The following MAN1A2 variants were observed in gnomAD, a reference collection of about 807,000 sequenced individuals.
The protein encoded by MAN1A2 is mannosyl-oligosaccharide 1,2-alpha-mannosidase IB.
MAN1A2 carries 26 observed loss-of-function variants against 75.7 expected under a neutral mutation model. The observed-to-expected ratio is 0.34, with a 90% confidence interval of 0.25 to 0.48. The LOEUF is 0.48. Ranked by LOEUF, MAN1A2 falls within the 20% of genes least tolerant of loss-of-function variation. The probability of loss-of-function intolerance (pLI) is 0.99; values close to 1 mark genes in which losing one functional copy is unlikely to be tolerated. For synonymous variants in MAN1A2, 247 were observed against 264.6 expected (o/e 0.93, Z 0.65); for missense variants, 562 against 775.5 (o/e 0.72, Z 3.27).
chr1:117,502,247 A>G (rs1056461089), intron 11 of MAN1A2, among the ~76,000 whole-genome samples: 1 of 151,882 alleles, frequency 6.6e-6, no homozygotes, highest in Non-Finnish European at 1.5e-5. Flanking sequence ...AGCACATAGT[A>G]AATACCTTAT....
chr1:117,381,815 A>G (rs977157204), intron 1 of MAN1A2, among the ~76,000 whole-genome samples: 146 of 152,174 alleles, frequency 9.6e-4, no homozygotes, highest in Middle Eastern at 3.4e-3. Context: ...GTGTAAAAGT[A>G]TTCCTATTTC....
intron 6 of MAN1A2, among the ~76,000 whole-genome samples, chr1:117,450,994 G>T (rs1277180574): frequency 6.6e-6 from 1 of 152,214 alleles, no homozygotes; most frequent in African/African-American, 2.4e-5. Context: ...TGAGAAGAGG[G>T]CAACTGTCCT....
intron 12 of MAN1A2, among the ~76,000 whole-genome samples, chr1:117,505,132 T>TAAATA (rs1200583474): frequency 2.0e-5 from 3 of 151,520 alleles, no homozygotes; most frequent in Non-Finnish European, 4.4e-5. Context: ...ATATATAAAG[T>TAAATA]TTCTTCTCTT....
chr1:117,449,964 G>T (rs1649353353), intron 6 of MAN1A2, among the ~76,000 whole-genome samples: 1 of 152,196 alleles, frequency 6.6e-6, no homozygotes, highest in African/African-American at 2.4e-5. Context: ...AAACTTAAAG[G>T]TGATGGGTGA....
rs1652004564 is a variant in MAN1A2, at chr1:117,525,961, T to C, written c.*3004T>C. On this transcript the variant is annotated 3_prime_UTR_variant, in exon 13 of 13. Coordinates refer to ENST00000356554, the MANE Select transcript of MAN1A2 (RefSeq NM_006699.5). The stretch of plus-strand genomic sequence containing the variant: ...GGTATCGAAGGGAAATGCATTCTTT[T>C]TATGGAGTATTGACCCTGATCCTCT... The C allele has an allele frequency of 6.6e-6, 1 of 151,694 alleles. No individual in the cohort carries two copies. Among genetic ancestry groups the C allele is most frequent in the South Asian group, 2.1e-4 (1 of 4,824 alleles). The allele number at this position is 151,694 out of a possible 1,614,324, so 9.4% of individuals were successfully genotyped here.
intron 5 of MAN1A2, among the ~76,000 whole-genome samples, chr1:117,432,303 A>C (rs1648696418): frequency 6.6e-6 from 1 of 152,138 alleles, no homozygotes; most frequent in African/African-American, 2.4e-5. Context: ...AAATTTAATA[A>C]TGTAGACAAA....
At chr1:117,448,912 T>C (rs1396505777) in intron 6 of MAN1A2, among the ~76,000 whole-genome samples, 1 of 152,222 alleles carries the variant, frequency 6.6e-6, no homozygotes, top group Non-Finnish European at 1.5e-5. Context: ...GTCAACTCTG[T>C]GTTGAGCAAG....
At chr1:117,454,958 A>T (rs1649533400) in intron 6 of MAN1A2, among the ~76,000 whole-genome samples, 1 of 152,152 alleles carries the variant, frequency 6.6e-6, no homozygotes, top group Admixed American at 6.5e-5. Flanking sequence ...GGAATACTAA[A>T]AACTACTGAA....
chr1:117,451,112 A>G (rs1224619213), intron 6 of MAN1A2, among the ~76,000 whole-genome samples: 1 of 152,336 alleles, frequency 6.6e-6, no homozygotes, highest in African/African-American at 2.4e-5. Flanking sequence ...TATACCCTGC[A>G]AAGCCATAGG....
In MAN1A2 at chr1:117,405,897, T is replaced by G. The variant is rs144854461; in HGVS notation, c.655+252T>G. Among the ~76,000 whole-genome samples, 1,201 of 152,306 alleles carry G rather than the reference T, an allele frequency of 7.9e-3. 12 individuals are homozygous for G. The highest frequency in any genetic ancestry group is 0.027 in the African/African-American group (1,129 of 41,576). ...TATCTGAGTATTTAAAAGCTTTTTT[T>G]TGGCATTTTTTTCTTTAGTGTCAGG... On this transcript the variant is annotated intron_variant, in intron 3 of 12. Coordinates refer to ENST00000356554, the MANE Select transcript of MAN1A2 (RefSeq NM_006699.5).
chr1:117,413,069 A>T (rs1470351238), intron 3 of MAN1A2, among the ~76,000 whole-genome samples: 3 of 151,988 alleles, frequency 2.0e-5, no homozygotes, highest in Non-Finnish European at 4.4e-5. Context: ...TACATATTCA[A>T]GAATTTATGC....
At chr1:117,431,824 C>CCACA (rs1648679456) in intron 5 of MAN1A2, among the ~76,000 whole-genome samples, 1 of 152,108 alleles carries the variant, frequency 6.6e-6, no homozygotes, top group Non-Finnish European at 1.5e-5. Flanking sequence ...GTAGCATGTA[C>CCACA]CTGTAGTCCC....
At position 117,373,424 on chromosome 1, in the gene MAN1A2, G is replaced by A. The variant is rs75247586; in HGVS notation, c.302+4939G>A. 3.9e-3 allele frequency among the ~76,000 whole-genome samples: 586 copies of A among 150,814 alleles called. 7 individuals carry two copies. The highest frequency in any genetic ancestry group is 0.014 in the African/African-American group (556 of 41,088). ...TTTACTCAGACATGAATTATTGTGA[G>A]GTTTGTTTGTATTTGACGTTTGTCA... is the stretch of plus-strand genomic sequence containing the variant. On this transcript the variant is annotated intron_variant, in intron 1 of 12. Coordinates refer to ENST00000356554, the MANE Select transcript of MAN1A2 (RefSeq NM_006699.5).
chr1:117,438,295 A>G (rs908726555), intron 5 of MAN1A2, among the ~76,000 whole-genome samples: 3 of 152,114 alleles, frequency 2.0e-5, no homozygotes, highest in Admixed American at 6.5e-5. Flanking sequence ...AAAGTAGCTT[A>G]TAGGATCAGG....
intron 4 of MAN1A2, among the ~76,000 whole-genome samples, chr1:117,416,766 G>A (rs1648006253): frequency 6.6e-6 from 1 of 152,132 alleles, no homozygotes; most frequent in Admixed American, 6.6e-5. Flanking sequence ...CAGTAGCTTG[G>A]GCTCTATGGA....
Position 117,526,880 on chromosome 1 carries a change from C to CTCTCTCTCTCTATATA in MAN1A2, c.*3924_*3925insCTCTCTCTCTATATAT. 42 of 54,516 alleles carry CTCTCTCTCTCTATATA rather than the reference C, an allele frequency of 7.7e-4. No homozygotes were observed. The highest frequency in any genetic ancestry group is 1.9e-3 in the African/African-American group (23 of 12,284). 3.4% of individuals were successfully genotyped at this position (54,516 alleles called of 1,614,324 possible). On this transcript the variant is annotated 3_prime_UTR_variant, in exon 13 of 13. Transcript: ENST00000356554. ...TCTCTCTCTCTCTCTCTCTCTCTCTCTATATATATATATATATATATATAT... is the reference window on the plus strand; with the variant it reads ...TCTCTCTCTCTCTCTCTCTCTCTCTCTCTCTCTCTCTATATATATATATATATATATATATATATAT...
chr1:117,394,569 A>G (rs1224680340), intron 1 of MAN1A2, among the ~76,000 whole-genome samples: 1 of 152,126 alleles, frequency 6.6e-6, no homozygotes, highest in Non-Finnish European at 1.5e-5. Context: ...CTTTTTCTCC[A>G]TTCACTTTCT....
chr1:117,399,331 C>T (rs750252852), intron 1 of MAN1A2, among the ~76,000 whole-genome samples: 1 of 152,132 alleles, frequency 6.6e-6, no homozygotes, highest in Non-Finnish European at 1.5e-5. Context: ...TTAGCAATAA[C>T]TTGGGGATAA....
At chr1:117,382,419 C>A (rs1570697282) in intron 1 of MAN1A2, among the ~76,000 whole-genome samples, 3 of 152,174 alleles carry the variant, frequency 2.0e-5, no homozygotes, top group Non-Finnish European at 4.4e-5. Context: ...GTTTACCCAG[C>A]ACCATTTATT....
Sources: gnomAD v4.1 joint callset for allele counts (sites outside exome capture counted in the v4.1 genomes callset) on GRCh38, gnomAD v4.1.1 for gene constraint, MANE v1.5 for transcripts, NCBI Gene and HGNC (gene_info 2026-07-23, HGNC 2026-07-21) for gene names.